Variants in RASL12 observed in about 807,000 individuals in gnomAD.
RASL12 encodes the protein ras-like protein family member 12.
In RASL12, 16 loss-of-function variants were observed where a neutral mutation model predicts 22.9. The observed-to-expected ratio is 0.70, with a 90% CI of 0.47 to 1.06. RASL12 has a LOEUF of 1.06. RASL12 is among the 50% of genes least tolerant of loss of function. The probability of loss-of-function intolerance (pLI) is 0.00; values close to 1 mark genes in which losing one functional copy is unlikely to be tolerated. For missense variants in RASL12, 306 were observed against 353.1 expected, an observed-to-expected ratio of 0.87 and a Z score of 1.07; for synonymous variants, 159 against 152.2, an observed-to-expected ratio of 1.04 and a Z score of -0.33.
At chr15:65,075,838 T>C (rs956513759) in intron 1 of RASL12, among the ~76,000 whole-genome samples, 1 of 152,020 alleles carries the variant, frequency 6.6e-6, no homozygotes, top group African/African-American at 2.4e-5. Flanking sequence ...AAAACCTTTA[T>C]GTCTAGCTCA....
chr15:65,058,611 G>A lies in RASL12; in HGVS notation c.241C>T (p.Pro81Ser), dbSNP rs747454649. The A allele has an allele frequency of 6.5e-7, 1 of 1,535,876 alleles. No homozygotes were observed. Among genetic ancestry groups the A allele is most frequent in the African/African-American group, 1.4e-5 (1 of 72,970 alleles). The stretch of plus-strand genomic sequence containing the variant: ...TTCAGGTAGCGCTCGCAGTTCCTGG[G>A]GGTGTCCTGGGGTGAAGGTGAGAAG... The part of the protein sequence containing the change: ...RVMDTADLDT[P>S]RNCERYLNWA... The change falls in exon 4 of 5, where the codon CCC becomes TCC. Residue 81 changes from proline (P) to serine (S), a missense_variant. Physicochemically the swap from Pro to Ser is moderately conservative, Grantham distance 74 (BLOSUM62 -1). Coordinates refer to ENST00000220062, the MANE Select transcript of RASL12 (RefSeq NM_016563.4).
downstream of RASL12, among the ~76,000 whole-genome samples, chr15:65,050,749 T>C (rs975774583): frequency 6.6e-6 from 1 of 152,000 alleles, no homozygotes; most frequent in African/African-American, 2.4e-5. Flanking sequence ...TTTAGTCACT[T>C]CATGTATTAT....
At chr15:65,050,221 CAG>C (rs753569012), downstream of RASL12, 1 of 774,384 alleles carries the variant, frequency 1.3e-6, no homozygotes, top group Non-Finnish European at 2.1e-6. Flanking sequence ...TCCTCCAAGA[CAG>C]GGAATCAGTC....
chr15:65,064,480 A>T (rs1448923474), intron 2 of RASL12, among the ~76,000 whole-genome samples: 1 of 152,186 alleles, frequency 6.6e-6, no homozygotes, highest in Non-Finnish European at 1.5e-5. Flanking sequence ...GTTTTCTCAT[A>T]CGGTTAAAAA....
chr15:65,055,629 C>T (rs2086722214), intron 4 of RASL12, among the ~76,000 whole-genome samples: 2 of 152,156 alleles, frequency 1.3e-5, no homozygotes, highest in Non-Finnish European at 2.9e-5. Flanking sequence ...GGAAGCAGGC[C>T]ATTCCCAGCC....
At chr15:65,059,201 T>A in intron 3 of RASL12, 144 bp downstream of exon 3, 1 of 674,432 alleles carries the variant, frequency 1.5e-6, no homozygotes. Context: ...CCCAGAGAGG[T>A]CAAGTGCCTC....
chr15:65,047,545 A>G, the RASL12 span, among the ~76,000 whole-genome samples: 576 of 152,228 alleles, frequency 3.8e-3, 2 homozygotes, highest in Admixed American at 0.011. Context: ...CTCAACTTCA[A>G]TACTTTTCTT....
At chr15:65,071,526 A>AC (rs929517171), upstream of RASL12, among the ~76,000 whole-genome samples, 1 of 151,206 alleles carries the variant, frequency 6.6e-6, no homozygotes, top group Non-Finnish European at 1.5e-5. Flanking sequence ...GGAAAACATG[A>AC]CCCCCCACCT....
At chr15:65,071,823 C>T (rs562724820), upstream of RASL12, among the ~76,000 whole-genome samples, 31 of 152,318 alleles carry the variant, frequency 2.0e-4, no homozygotes, top group South Asian at 3.1e-3. Context: ...GTCAGCCCTT[C>T]TCCAGCCCTG....
rs572272465 is a variant in RASL12, at chr15:65,075,866, A to G, written c.70+663T>C. Among the ~76,000 whole-genome samples, 3 of 152,120 alleles carry G rather than the reference A, an allele frequency of 2.0e-5. No individual in the cohort carries two copies. In the East Asian group the frequency reaches 5.8e-4, roughly 29 times the overall value. The stretch of plus-strand genomic sequence containing the variant: ...CTAGCTCAGGGATTGTAAATACACC[A>G]ATCGGCACTCTGTATCTAGCTCAAG... On this transcript the variant is annotated intron_variant, in intron 1 of 4. Transcript: ENST00000434605.
In RASL12 at chr15:65,055,154, C is replaced by T. The variant is rs758955607; in HGVS notation, c.546G>A (p.Glu182=). Residue 182 remains glutamate, a synonymous_variant, in exon 5 of 5, where the codon GAG becomes GAA. Coordinates refer to ENST00000220062, the MANE Select transcript of RASL12 (RefSeq NM_016563.4). ...VQHVFHEAVR[E]ARRELEKSPL... ...GGCTCTTCTCCAGCTCCCGCCGTGC[C>T]TCTCGCACTGCCTCGTGGAAGACAT... 2.5e-6 allele frequency: 4 copies of T among 1,612,364 alleles called. No individual in the cohort carries two copies. Among genetic ancestry groups the T allele is most frequent in the Non-Finnish European group, 2.5e-6 (3 of 1,179,674 alleles).
intron 1 of RASL12, among the ~76,000 whole-genome samples, chr15:65,074,486 C>T (rs187364919): frequency 2.7e-4 from 41 of 152,240 alleles, no homozygotes; most frequent in Admixed American, 1.6e-3. Context: ...TTCAGCCTCC[C>T]GAGTTCAAGC....
chr15:65,075,326 T>C (rs1432488070), intron 1 of RASL12, among the ~76,000 whole-genome samples: 1 of 152,182 alleles, frequency 6.6e-6, no homozygotes, highest in Non-Finnish European at 1.5e-5. Context: ...TGGGCTCCTG[T>C]GCGGCCCGAG....
At chr15:65,056,146 A>G (rs2946677) in intron 4 of RASL12, among the ~76,000 whole-genome samples, 134,267 of 152,132 alleles carry the variant, frequency 0.88, 59,327 homozygotes, top group East Asian at 0.99. Flanking sequence ...GGTCCCTGAG[A>G]TCTTGGGGCC....
chr15:65,046,575 T>C, the RASL12 span, among the ~76,000 whole-genome samples: 2 of 152,236 alleles, frequency 1.3e-5, no homozygotes, highest in South Asian at 4.1e-4. Flanking sequence ...TTTTGGTTTT[T>C]TGTTGGTTGG....
intron 4 of RASL12, among the ~76,000 whole-genome samples, 191 bp downstream of exon 4, chr15:65,058,236 T>A (rs922866104): frequency 1.3e-5 from 2 of 152,174 alleles, no homozygotes; most frequent in Non-Finnish European, 2.9e-5. Flanking sequence ...GCCATTGCAC[T>A]CCAGCCTGGG....
upstream of RASL12, among the ~76,000 whole-genome samples, chr15:65,072,425 G>A (rs1234255790): frequency 6.6e-6 from 1 of 152,178 alleles, no homozygotes; most frequent in East Asian, 1.9e-4. Context: ...CTATGCATAT[G>A]TATCCTAAGG....
chr15:65,053,038 C>G (rs781214644), downstream of RASL12: 1 of 1,614,022 alleles, frequency 6.2e-7, no homozygotes, highest in Non-Finnish European at 8.5e-7. Context: ...AGGATCACAA[C>G]AGCCTAAACA....
At position 65,053,538 on chromosome 15, in the gene RASL12, C is replaced by A. The variant is rs9832; in HGVS notation, c.*1361G>T. The A allele has an allele frequency of 0.018, 17,952 of 1,023,146 alleles. 1,458 individuals are homozygous for A. The African/African-American group carries it at 0.22, about 13-fold the overall frequency. The allele number at this position is 1,023,146 out of a possible 1,614,324, so 63.4% of individuals were successfully genotyped here. On this transcript the variant is annotated 3_prime_UTR_variant, in exon 5 of 5. Transcript: ENST00000220062. ...GTGGTCTTGAGTAGTTCACAGCCCCCCTCTGACCTCAGCTCCTCCATTTAC... is the reference window on the plus strand; with the variant it reads ...GTGGTCTTGAGTAGTTCACAGCCCCACTCTGACCTCAGCTCCTCCATTTAC...
Sources: gnomAD v4.1 joint callset for allele counts (sites outside exome capture counted in the v4.1 genomes callset) on GRCh38, gnomAD v4.1.1 for gene constraint, MANE v1.5 for transcripts, NCBI Gene and HGNC (gene_info 2026-07-23, HGNC 2026-07-21) for gene names.